Variants in SAMD4A observed in about 807,000 individuals in gnomAD.
The protein encoded by SAMD4A is protein Smaug homolog 1.
A neutral mutation model predicts 81.3 loss-of-function variants in SAMD4A; 33 were observed. The observed-to-expected ratio is 0.41, with a 90% CI of 0.31 to 0.54. SAMD4A has a LOEUF of 0.54. Ranked by LOEUF, SAMD4A falls within the 20% of genes least tolerant of loss-of-function variation. The pLI is 0.37. For synonymous variants in SAMD4A, 389 were observed against 382.1 expected (o/e 1.02, Z -0.21); for missense variants, 854 against 951.1 (o/e 0.90, Z 1.34).
chr14:54,575,131 C>A (rs560518959), intron 2 of SAMD4A, among the ~76,000 whole-genome samples: 1 of 152,086 alleles, frequency 6.6e-6, no homozygotes, highest in Non-Finnish European at 1.5e-5. Context: ...CCCCCCAACC[C>A]CCTACTCCCC....
rs912589591 is a variant in SAMD4A at position 54,760,546 on chromosome 14, G to A, written c.1510+52G>A. Reference sequence around the variant, plus strand: ...TTTCTTCTGGATACCACTAACCAGAGCGACAGGCTCCTGGGGGCTTCCCCT... The same window carrying A: ...TTTCTTCTGGATACCACTAACCAGAACGACAGGCTCCTGGGGGCTTCCCCT... On this transcript the variant is annotated intron_variant, in intron 7 of 12. Transcript: ENST00000554335. The A allele has an allele frequency of 4.4e-6, 6 of 1,365,712 alleles. No homozygotes were observed. In the African/African-American group the frequency reaches 4.6e-5, roughly 10 times the overall value. The allele number at this position is 1,365,712 out of a possible 1,614,324, so 84.6% of individuals were successfully genotyped here. A position where few individuals can be genotyped will look rare whatever the true frequency, so the allele number is the denominator to read the frequency against.
chr14:54,765,565 T>C (rs2038516701), intron 8 of SAMD4A, among the ~76,000 whole-genome samples: 1 of 151,042 alleles, frequency 6.6e-6, no homozygotes, highest in African/African-American at 2.4e-5. Context: ...TGGCCAAGGC[T>C]ACAGTGAGCT....
intron 11 of SAMD4A, among the ~76,000 whole-genome samples, chr14:54,783,086 C>A (rs142254026): frequency 2.0e-5 from 3 of 152,184 alleles, no homozygotes; most frequent in Middle Eastern, 3.4e-3. Flanking sequence ...GTGGACACCC[C>A]CTCTGGGACT....
chr14:54,634,874 G>A (rs1218482994), intron 2 of SAMD4A, among the ~76,000 whole-genome samples: 1 of 152,048 alleles, frequency 6.6e-6, no homozygotes, highest in African/African-American at 2.4e-5. Context: ...AATAAACTTA[G>A]CAGTGTCAGC....
chr14:54,621,476 C>T (rs533552223), intron 2 of SAMD4A, among the ~76,000 whole-genome samples: 17 of 151,928 alleles, frequency 1.1e-4, no homozygotes, highest in African/African-American at 2.9e-4. Flanking sequence ...CAGCTTCCTG[C>T]GTAGCTGGGA....
chr14:54,581,804 AAACTT>A (rs1296459888), intron 2 of SAMD4A, among the ~76,000 whole-genome samples: 1 of 152,226 alleles, frequency 6.6e-6, no homozygotes, highest in Non-Finnish European at 1.5e-5. Flanking sequence ...AAAAATTACT[AAACTT>A]AAACCCATTC....
intron 2 of SAMD4A, among the ~76,000 whole-genome samples, chr14:54,569,349 A>T (rs1212449121): frequency 6.6e-6 from 1 of 152,166 alleles, no homozygotes; most frequent in African/African-American, 2.4e-5. Context: ...CTAGAATGGG[A>T]TGCTTCCATA....
Position 54,788,920 on chromosome 14 carries a change from G to C in SAMD4A, c.2133G>C (p.Gly711=). 4 of 1,614,212 alleles carry C rather than the reference G, an allele frequency of 2.5e-6. No individual in the cohort carries two copies. Among genetic ancestry groups the C allele is most frequent in the East Asian group, 2.2e-5 (1 of 44,888 alleles). The change falls in exon 13 of 13, where the codon GGG becomes GGC. Residue 711 remains glycine (G), a synonymous_variant. Coordinates refer to ENST00000554335, the MANE Select transcript of SAMD4A (RefSeq NM_015589.6). The part of the protein sequence containing the change: ...LSMTEHALGD[G]VDRTSTI ...GTTTGCTGCTTTCTCTCCCAGACGG[G>C]GTTGACCGGACCTCCACCATCTAGA...
At chr14:54,625,528 G>A (rs1413210087) in intron 2 of SAMD4A, among the ~76,000 whole-genome samples, 2 of 152,184 alleles carry the variant, frequency 1.3e-5, no homozygotes, top group East Asian at 3.8e-4. Flanking sequence ...ACCCAGGTGG[G>A]GCTTGTTTAT....
chr14:54,667,340 A>C (rs1254694034), intron 2 of SAMD4A, among the ~76,000 whole-genome samples: 2 of 152,170 alleles, frequency 1.3e-5, no homozygotes, highest in Non-Finnish European at 2.9e-5. Context: ...ATGAGATGTG[A>C]TGGTATCCAT....
chr14:54,752,024 G>C (rs1255249748), intron 6 of SAMD4A, among the ~76,000 whole-genome samples: 1 of 152,184 alleles, frequency 6.6e-6, no homozygotes, highest in Non-Finnish European at 1.5e-5. Context: ...GGGTTCAAAA[G>C]CATTTGGCAG....
At chr14:54,664,233 T>G (rs183387569) in intron 2 of SAMD4A, among the ~76,000 whole-genome samples, 69 of 152,246 alleles carry the variant, frequency 4.5e-4, no homozygotes, top group African/African-American at 1.5e-3. Context: ...AATTTCCTGG[T>G]TTATACAGGA....
At chr14:54,707,198 G>T (rs1180303996) in intron 3 of SAMD4A, among the ~76,000 whole-genome samples, 1 of 150,838 alleles carries the variant, frequency 6.6e-6, no homozygotes, top group East Asian at 2.0e-4. Flanking sequence ...CAACCTCCTG[G>T]ACTCAAGCAA....
At chr14:54,780,343 T>C (rs963428231) in intron 11 of SAMD4A, among the ~76,000 whole-genome samples, 3 of 152,156 alleles carry the variant, frequency 2.0e-5, no homozygotes, top group African/African-American at 7.2e-5. Context: ...CAGCTCACAA[T>C]TGGGATTCTT....
chr14:54,655,631 G>A (rs557682110), intron 2 of SAMD4A, among the ~76,000 whole-genome samples: 3 of 152,062 alleles, frequency 2.0e-5, no homozygotes, highest in Non-Finnish European at 2.9e-5. Context: ...TCAGCTACTC[G>A]GGAGGCTGAG....
At chr14:54,626,137 A>G (rs17832209) in intron 2 of SAMD4A, among the ~76,000 whole-genome samples, 16,309 of 151,238 alleles carry the variant, frequency 0.11, 1,105 homozygotes, top group Middle Eastern at 0.2. Flanking sequence ...TTTAGACTCT[A>G]GCTTCCAGGA....
At chr14:54,578,012 T>C (rs1217347307) in intron 2 of SAMD4A, among the ~76,000 whole-genome samples, 1 of 152,208 alleles carries the variant, frequency 6.6e-6, no homozygotes, top group East Asian at 1.9e-4. Flanking sequence ...GACGAGCCTT[T>C]AGCATCAAGC....
intron 2 of SAMD4A, among the ~76,000 whole-genome samples, chr14:54,604,525 A>G (rs1240539386): frequency 6.6e-6 from 1 of 152,228 alleles, no homozygotes; most frequent in Non-Finnish European, 1.5e-5. Context: ...TAAGGAGTTG[A>G]TGGCATGTCT....
At chr14:54,683,172 C>G (rs954569756) in intron 2 of SAMD4A, among the ~76,000 whole-genome samples, 2 of 152,346 alleles carry the variant, frequency 1.3e-5, no homozygotes, top group African/African-American at 2.4e-5. Context: ...CCAGGTACCC[C>G]TGAAGGGGAT....
Sources: gnomAD v4.1 joint callset for allele counts (sites outside exome capture counted in the v4.1 genomes callset) on GRCh38, gnomAD v4.1.1 for gene constraint, MANE v1.5 for transcripts, NCBI Gene and HGNC (gene_info 2026-07-23, HGNC 2026-07-21) for gene names.